Variants in SLC12A8 observed in about 807,000 individuals in gnomAD.
SLC12A8 encodes the protein cation-chloride cotransporter 9.
A neutral mutation model predicts 75.6 loss-of-function variants in SLC12A8; 69 were observed. The observed-to-expected ratio is 0.91, with a 90% confidence interval of 0.75 to 1.11. The LOEUF is 1.11. Ranked by LOEUF, SLC12A8 falls within the 50% of genes most tolerant of loss-of-function variation. The pLI is 0.00. For missense variants in SLC12A8, 877 were observed against 896.7 expected (o/e 0.98, Z 0.28); for synonymous variants, 365 against 372.8 (o/e 0.98, Z 0.24).
At chr3:125,087,715 G>A (rs1196584093) in intron 13 of SLC12A8, among the ~76,000 whole-genome samples, 1 of 152,174 alleles carries the variant, frequency 6.6e-6, no homozygotes, top group Non-Finnish European at 1.5e-5. Context: ...CAAGAGTGGA[G>A]GAGAAGGAGT....
chr3:125,156,780 G>C (rs552287908), intron 5 of SLC12A8, among the ~76,000 whole-genome samples: 7 of 152,118 alleles, frequency 4.6e-5, no homozygotes, highest in Non-Finnish European at 1.0e-4. Context: ...ACGTTTGAAG[G>C]GCCCCAGCCT....
chr3:125,128,719 C>T (rs1933280102), intron 6 of SLC12A8, among the ~76,000 whole-genome samples: 1 of 152,178 alleles, frequency 6.6e-6, no homozygotes, highest in Non-Finnish European at 1.5e-5. Context: ...CCCCCATCTT[C>T]AGACTGTCCC....
Position 125,149,329 on chromosome 3 carries a change from C to T in SLC12A8, c.623-13547G>A, listed in dbSNP as rs77008808. On this transcript the variant is annotated intron_variant, in intron 5 of 13. Transcript: ENST00000469902. Reference sequence around the variant, plus strand: ...GCAAATGAGAATAATCCAGTAGAGACAGCTGGGTTTTGGGATCAGGGTAGG... The same window carrying T: ...GCAAATGAGAATAATCCAGTAGAGATAGCTGGGTTTTGGGATCAGGGTAGG... Among the ~76,000 whole-genome samples the T allele has an allele frequency of 3.1e-3, 468 of 152,350 alleles. 18 individuals are homozygous for T. The East Asian group carries it at 0.055, about 18-fold the overall frequency.
At chr3:125,179,720 AG>A (rs1934611668) in intron 4 of SLC12A8, among the ~76,000 whole-genome samples, 1 of 151,602 alleles carries the variant, frequency 6.6e-6, no homozygotes, top group Non-Finnish European at 1.5e-5. Flanking sequence ...AGAGAGAGAG[AG>A]AGAGAGAGAG....
chr3:125,203,556 A>AC (rs1334586450), intron 2 of SLC12A8, among the ~76,000 whole-genome samples: 3 of 152,162 alleles, frequency 2.0e-5, no homozygotes, highest in African/African-American at 7.2e-5. Context: ...ATGAAACTAG[A>AC]CCCCCATCTC....
intron 5 of SLC12A8, among the ~76,000 whole-genome samples, chr3:125,163,209 A>C (rs1401814081): frequency 6.6e-6 from 1 of 152,082 alleles, no homozygotes; most frequent in African/African-American, 2.4e-5. Context: ...GACAAGTGGG[A>C]GAATCGCTTA....
intron 9 of SLC12A8, among the ~76,000 whole-genome samples, chr3:125,108,446 G>A (rs886668021): frequency 1.3e-5 from 2 of 151,146 alleles, no homozygotes; most frequent in Non-Finnish European, 2.9e-5. Flanking sequence ...TCAGCTCATT[G>A]CAACCTCCGC....
chr3:125,154,312 C>T (rs963818602), intron 5 of SLC12A8, among the ~76,000 whole-genome samples: 1 of 152,208 alleles, frequency 6.6e-6, no homozygotes, highest in Admixed American at 6.5e-5. Context: ...GCCCCAGCAG[C>T]TGGAAACAAT....
chr3:125,134,939 T>C (rs1933451806), intron 6 of SLC12A8, among the ~76,000 whole-genome samples: 1 of 152,250 alleles, frequency 6.6e-6, no homozygotes, highest in African/African-American at 2.4e-5. Context: ...ATTAAGAGTC[T>C]GTTCCCTGGG....
chr3:125,161,566 C>A (rs569765137), intron 5 of SLC12A8, among the ~76,000 whole-genome samples: 1 of 151,952 alleles, frequency 6.6e-6, no homozygotes, highest in Non-Finnish European at 1.5e-5. Context: ...CCTGCACAGT[C>A]GGAAAGAACA....
chr3:125,130,784 T>TC (rs1357936727), intron 6 of SLC12A8, among the ~76,000 whole-genome samples: 1 of 152,016 alleles, frequency 6.6e-6, no homozygotes, highest in Non-Finnish European at 1.5e-5. Flanking sequence ...ACCGCCCCCT[T>TC]CCCCCACTCA....
chr3:125,202,909 G>A (rs916933049), intron 2 of SLC12A8, among the ~76,000 whole-genome samples: 13 of 151,874 alleles, frequency 8.6e-5, no homozygotes, highest in African/African-American at 3.1e-4. Context: ...CCAACATGGT[G>A]AAACCCCGTC....
chr3:125,152,450 A>T (rs560198230), intron 5 of SLC12A8, among the ~76,000 whole-genome samples: 1 of 152,322 alleles, frequency 6.6e-6, no homozygotes, highest in East Asian at 1.9e-4. Flanking sequence ...AGCAATCAGG[A>T]TTCTAGAGTG....
At chr3:125,140,425 CT>C (rs1028503679) in intron 5 of SLC12A8, among the ~76,000 whole-genome samples, 4 of 152,196 alleles carry the variant, frequency 2.6e-5, no homozygotes, top group Non-Finnish European at 5.9e-5. Flanking sequence ...TTCCCAGGCC[CT>C]GGCACTGCAC....
chr3:125,132,275 C>T (rs779385270), intron 6 of SLC12A8, among the ~76,000 whole-genome samples: 7 of 152,250 alleles, frequency 4.6e-5, no homozygotes, highest in Middle Eastern at 3.4e-3. Context: ...AAAATGAAAG[C>T]GACGCACTAT....
At chr3:125,207,181 G>T (rs1018659570) in intron 2 of SLC12A8, among the ~76,000 whole-genome samples, 3 of 152,172 alleles carry the variant, frequency 2.0e-5, no homozygotes, top group African/African-American at 7.2e-5. Context: ...CGGGGAGCCT[G>T]CTCCCACGGC....
At chr3:125,137,305 A>C (rs1933516933) in intron 5 of SLC12A8, among the ~76,000 whole-genome samples, 1 of 152,214 alleles carries the variant, frequency 6.6e-6, no homozygotes, top group Non-Finnish European at 1.5e-5. Context: ...GACTTAAATC[A>C]TTGTCAATTG....
At chr3:125,103,931 C>T (rs1021573776) in intron 10 of SLC12A8, among the ~76,000 whole-genome samples, 8 of 150,468 alleles carry the variant, frequency 5.3e-5, no homozygotes, top group South Asian at 2.1e-4. Flanking sequence ...CCGTGCCCAG[C>T]GAGTGCTTCA....
chr3:125,092,652 A>T (rs1579462334), intron 10 of SLC12A8, among the ~76,000 whole-genome samples: 1 of 152,170 alleles, frequency 6.6e-6, no homozygotes, highest in Non-Finnish European at 1.5e-5. Context: ...GACCTGTCTC[A>T]GGTATCAACC....
Sources: allele counts gnomAD v4.1 joint callset (sites outside exome capture counted in the v4.1 genomes callset), GRCh38; gene constraint gnomAD v4.1.1; transcripts MANE v1.5; gene names NCBI Gene and HGNC (gene_info 2026-07-23, HGNC 2026-07-21).